CTNNA3: variants seen among roughly 807,000 people sequenced by gnomAD.
The protein encoded by CTNNA3 is catenin alpha 3.
CTNNA3 carries 76 observed loss-of-function variants against 95.7 expected under a neutral mutation model. That is an observed-to-expected ratio of 0.79 (90% CI 0.66 to 0.96). CTNNA3 has a LOEUF of 0.96. CTNNA3 is among the 40% of genes least tolerant of loss of function. The pLI, the probability that CTNNA3 is intolerant of heterozygous loss-of-function variation, is 0.00. For synonymous variants in CTNNA3, 431 were observed against 374.4 expected, an observed-to-expected ratio of 1.15 and a Z score of -1.74; for missense variants, 1,191 against 1,089.8, an observed-to-expected ratio of 1.09 and a Z score of -1.31.
At chr10:67,135,552 G>A (rs1476724079) in intron 7 of CTNNA3, among the ~76,000 whole-genome samples, 1 of 152,110 alleles carries the variant, frequency 6.6e-6, no homozygotes, top group Non-Finnish European at 1.5e-5. Flanking sequence ...GTACATGCCT[G>A]TAGTCCCAGC....
chr10:67,229,693 A>G (rs1865098271), intron 5 of CTNNA3, among the ~76,000 whole-genome samples: 1 of 152,224 alleles, frequency 6.6e-6, no homozygotes, highest in African/African-American at 2.4e-5. Context: ...GGAGAATCAA[A>G]TCAAGAACTC....
At chr10:67,174,163 T>A (rs1484552603) in intron 7 of CTNNA3, among the ~76,000 whole-genome samples, 2 of 152,218 alleles carry the variant, frequency 1.3e-5, no homozygotes, top group Non-Finnish European at 1.5e-5. Flanking sequence ...CTGATTAGTT[T>A]CCCTTTTATT....
chr10:66,300,684 G>T (rs912100728), intron 12 of CTNNA3, among the ~76,000 whole-genome samples: 2 of 151,566 alleles, frequency 1.3e-5, no homozygotes, highest in African/African-American at 4.9e-5. Context: ...CAAAATGCTT[G>T]CCCAGTGCTC....
intron 6 of CTNNA3, among the ~76,000 whole-genome samples, chr10:67,192,182 T>C (rs1444274499): frequency 6.6e-6 from 1 of 151,978 alleles, no homozygotes; most frequent in East Asian, 1.9e-4. Flanking sequence ...CAACAATGTC[T>C]TTTTAGATGA....
At position 66,652,196 on chromosome 10, in the gene CTNNA3, G is replaced by T. The variant is rs576757471; in HGVS notation, c.1282-30412C>A. Among the ~76,000 whole-genome samples the T allele has an allele frequency of 6.7e-5, 10 of 148,894 alleles. No homozygotes were observed. The East Asian group carries it at 2.0e-3, about 29-fold the overall frequency. Reference sequence around the variant, plus strand: ...TAAATGAAATAGTGACTGAGAAAATGATAGAAAAAAAATCAACAAAAGTGG... The same window carrying T: ...TAAATGAAATAGTGACTGAGAAAATTATAGAAAAAAAATCAACAAAAGTGG... On this transcript the variant is annotated intron_variant, in intron 9 of 17. Coordinates refer to ENST00000433211, the MANE Select transcript of CTNNA3 (RefSeq NM_013266.4).
chr10:66,314,251 C>T (rs1434562605), intron 12 of CTNNA3, among the ~76,000 whole-genome samples: 1 of 152,248 alleles, frequency 6.6e-6, no homozygotes, highest in Non-Finnish European at 1.5e-5. Flanking sequence ...AAGAAGGCAG[C>T]TCCACCCCAG....
intron 10 of CTNNA3, among the ~76,000 whole-genome samples, chr10:66,554,303 C>T (rs997138379): frequency 1.3e-5 from 2 of 152,060 alleles, no homozygotes; most frequent in Non-Finnish European, 2.9e-5. Flanking sequence ...TAGCTTTATA[C>T]AGTATATCAG....
chr10:65,988,249 AATACACAGTGTAT>A (rs1486929660), intron 16 of CTNNA3, among the ~76,000 whole-genome samples: 1 of 152,144 alleles, frequency 6.6e-6, no homozygotes, highest in African/African-American at 2.4e-5. Context: ...TAATTTGATC[AATACACAGTGTAT>A]ACATGTATAG....
At chr10:66,771,220 T>C (rs1274960677) in intron 8 of CTNNA3, among the ~76,000 whole-genome samples, 1 of 152,184 alleles carries the variant, frequency 6.6e-6, no homozygotes, top group Non-Finnish European at 1.5e-5. Flanking sequence ...CTTTGATATT[T>C]ATGAAATAAA....
intron 2 of CTNNA3, among the ~76,000 whole-genome samples, chr10:67,634,241 T>G (rs1038636728): frequency 6.6e-6 from 1 of 152,122 alleles, no homozygotes; most frequent in Non-Finnish European, 1.5e-5. Context: ...GCTTCATAAA[T>G]GAAGAAGAAA....
chr10:66,867,909 AT>A (rs1456310193), intron 7 of CTNNA3, among the ~76,000 whole-genome samples: 2 of 148,548 alleles, frequency 1.3e-5, no homozygotes, highest in African/African-American at 5.1e-5. Context: ...AAAAAAAAAA[AT>A]TAACTTAGTA....
intron 15 of CTNNA3, among the ~76,000 whole-genome samples, chr10:66,067,784 T>C (rs2080344043): frequency 6.6e-6 from 1 of 151,962 alleles, no homozygotes; most frequent in Admixed American, 6.6e-5. Flanking sequence ...GGTGTGGTGT[T>C]GTGCGCCTGT....
rs146062900 is a variant in CTNNA3 at position 67,644,467 on chromosome 10, A to G, written c.99+2948T>C. Among the ~76,000 whole-genome samples the G allele has an allele frequency of 3.6e-3, 554 of 152,114 alleles. 5 individuals carry two copies. The highest frequency in any genetic ancestry group is 0.013 in the African/African-American group (520 of 41,454). On this transcript the variant is annotated intron_variant, in intron 2 of 17. Coordinates refer to ENST00000433211, the MANE Select transcript of CTNNA3 (RefSeq NM_013266.4). ...TTTTTGAAAAACAAAAAAGAATGTAATGAGACACTTAACATGATGTTATCC... is the reference window on the plus strand; with the variant it reads ...TTTTTGAAAAACAAAAAAGAATGTAGTGAGACACTTAACATGATGTTATCC...
At chr10:67,058,154 A>G (rs975618517) in intron 7 of CTNNA3, among the ~76,000 whole-genome samples, 3 of 152,162 alleles carry the variant, frequency 2.0e-5, no homozygotes, top group African/African-American at 7.2e-5. Flanking sequence ...TACAGTTCCT[A>G]TAATCTTAGG....
At chr10:67,607,998 T>C (rs1208165991) in intron 2 of CTNNA3, among the ~76,000 whole-genome samples, 1 of 152,180 alleles carries the variant, frequency 6.6e-6, no homozygotes, top group African/African-American at 2.4e-5. Context: ...GTTCAGTAAA[T>C]GTTTTGAGGA....
intron 9 of CTNNA3, among the ~76,000 whole-genome samples, chr10:66,651,220 C>T (rs1021549025): frequency 7.9e-5 from 12 of 152,170 alleles, no homozygotes; most frequent in Non-Finnish European, 1.0e-4. Context: ...ATTTAAAATC[C>T]TCTAGCTAGA....
intron 5 of CTNNA3, among the ~76,000 whole-genome samples, chr10:67,410,876 C>T (rs1384853747): frequency 2.0e-5 from 3 of 152,016 alleles, no homozygotes; most frequent in Non-Finnish European, 4.4e-5. Context: ...GCCTTAAAAA[C>T]AAAGGAAAGC....
At chr10:66,757,130 T>C (rs1209201205) in intron 9 of CTNNA3, among the ~76,000 whole-genome samples, 1 of 152,142 alleles carries the variant, frequency 6.6e-6, no homozygotes, top group Non-Finnish European at 1.5e-5. Context: ...CCAACCCCTT[T>C]AGACTGAGTG....
intron 11 of CTNNA3, among the ~76,000 whole-genome samples, chr10:66,417,265 G>A (rs2093154823): frequency 6.6e-6 from 1 of 151,862 alleles, no homozygotes; most frequent in African/African-American, 2.4e-5. Flanking sequence ...AAACAGACTT[G>A]AAGCCAAAAA....
Sources: gnomAD v4.1 joint callset for allele counts (sites outside exome capture counted in the v4.1 genomes callset) on GRCh38, gnomAD v4.1.1 for gene constraint, MANE v1.5 for transcripts, NCBI Gene and HGNC (gene_info 2026-07-23, HGNC 2026-07-21) for gene names.